Variants in RPAP1 observed in about 807,000 individuals in gnomAD.
RPAP1 encodes the protein RNA polymerase II associated protein 1, also known as RNA polymerase II-associated protein 1.
In RPAP1, 109 loss-of-function variants were observed where a neutral mutation model predicts 142.4. The observed-to-expected ratio is 0.77, with a 90% CI of 0.66 to 0.90. The LOEUF (loss-of-function observed/expected upper bound fraction) is 0.90, where lower values mean the gene tolerates loss of function less well. Ranked by LOEUF, RPAP1 falls within the 40% of genes least tolerant of loss-of-function variation. RPAP1 has a pLI of 0.00. For synonymous variants in RPAP1, 704 were observed against 738.9 expected (o/e 0.95, Z 0.77); for missense variants, 1,546 against 1,751.7 (o/e 0.88, Z 2.10).
chr15:41,543,354 C>T (rs574736194), intron 1 of RPAP1, among the ~76,000 whole-genome samples: 52 of 151,906 alleles, frequency 3.4e-4, no homozygotes, highest in Middle Eastern at 3.4e-3. Context: ...GGATTACAGG[C>T]GCCTGCCACC....
chr15:41,543,201 CTTTTTTTTTTTTTTT>C (rs71104794), intron 1 of RPAP1, among the ~76,000 whole-genome samples: 1 of 78,936 alleles, frequency 1.3e-5, no homozygotes, highest in Non-Finnish European at 2.3e-5. Context: ...CAATGCTGTC[CTTTTTTTTTTTTTTT>C]TTTTTTTTTT....
Position 41,536,660 on chromosome 15 carries a change from A to G in RPAP1, c.182-11T>C. 6.2e-7 allele frequency: 1 copy of G among 1,612,772 alleles called. No homozygotes were observed. Among genetic ancestry groups the G allele is most frequent in the Non-Finnish European group, 8.5e-7 (1 of 1,179,920 alleles). On this transcript the variant is annotated splice_polypyrimidine_tract_variant and intron_variant, in intron 2 of 24. Transcript: ENST00000304330. ...GCAAATCTGGGAGATCTGAGAAAGAAAAGATCCCAAACGTGAGTATATGCA... is the reference window on the plus strand; with the variant it reads ...GCAAATCTGGGAGATCTGAGAAAGAGAAGATCCCAAACGTGAGTATATGCA...
At position 41,517,357 on chromosome 15, in the gene RPAP1, T is replaced by G; in HGVS notation, c.*185A>C. On this transcript the variant is annotated 3_prime_UTR_variant, in exon 25 of 25. Transcript: ENST00000304330. ...TACAGACCTTCAGAAGCCCCAGATATCAGGATGTAATGGTAGGGCTCACTG... is the reference window on the plus strand; with the variant it reads ...TACAGACCTTCAGAAGCCCCAGATAGCAGGATGTAATGGTAGGGCTCACTG... 1 of 521,050 alleles carries G rather than the reference T, an allele frequency of 1.9e-6. No homozygotes were observed. The highest frequency in any genetic ancestry group is 3.3e-6 in the Non-Finnish European group (1 of 299,410). 32.3% of individuals were successfully genotyped at this position (521,050 alleles called of 1,614,324 possible).
chr15:41,527,795 C>T (rs1214986202), intron 11 of RPAP1, 65 bp downstream of exon 11: 5 of 1,588,874 alleles, frequency 3.1e-6, no homozygotes, highest in East Asian at 4.5e-5. Context: ...TGGGGCCATG[C>T]CCAGGAACAG....
intron 1 of RPAP1, among the ~76,000 whole-genome samples, chr15:41,539,726 G>T (rs1042507237): frequency 2.6e-5 from 4 of 152,030 alleles, no homozygotes; most frequent in Non-Finnish European, 5.9e-5. Flanking sequence ...TACTGCACCT[G>T]GCCTGTAAAC....
chr15:41,539,284 T>TATTTTG (rs1310556273), intron 1 of RPAP1, among the ~76,000 whole-genome samples: 1 of 151,786 alleles, frequency 6.6e-6, no homozygotes, highest in Non-Finnish European at 1.5e-5. Flanking sequence ...TTTTTGTTTT[T>TATTTTG]TTTTTTGTTT....
In RPAP1 at chr15:41,531,142, G is replaced by A. The variant is rs375319678; in HGVS notation, c.824C>T (p.Thr275Ile). The A allele has an allele frequency of 3.7e-6, 6 of 1,614,002 alleles. No individual in the cohort carries two copies. Among genetic ancestry groups the A allele is most frequent in the Non-Finnish European group, 5.1e-6 (6 of 1,179,924 alleles). ...HSHTQEQTGETASEEQRPGGP... is the reference protein window; with the variant it reads ...HSHTQEQTGEIASEEQRPGGP... ...TCCTGGCCTCTGCTCCTCAGAGGCT[G>A]TCTCTCCTGTTTGCTCTTGCGTGTG... The change falls in exon 7 of 25, where the codon ACA (threonine) becomes ATA (isoleucine). Residue 275 changes from threonine (T) to isoleucine (I), a missense_variant. Thr to Ile is a moderately conservative substitution (Grantham distance 89, BLOSUM62 -1). Coordinates refer to ENST00000304330, the MANE Select transcript of RPAP1 (RefSeq NM_015540.4).
intron 6 of RPAP1, among the ~76,000 whole-genome samples, chr15:41,531,798 G>A (rs1251405013): frequency 2.7e-5 from 4 of 150,476 alleles, no homozygotes; most frequent in South Asian, 2.1e-4. Context: ...CTGCCACCAC[G>A]CCTGGCTAAT....
At chr15:41,530,070 C>T (rs2140774501) in intron 7 of RPAP1, 91 bp from the exon 8 acceptor site, 1 of 927,230 alleles carries the variant, frequency 1.1e-6, no homozygotes, top group South Asian at 1.4e-5. Flanking sequence ...GCCACATCCA[C>T]TTCTGTTCCA....
At chr15:41,522,331 G>A (rs2051735368) in intron 19 of RPAP1, 81 bp from the exon 20 acceptor site, 5 of 1,371,434 alleles carry the variant, frequency 3.6e-6, no homozygotes, top group Non-Finnish European at 5.0e-6. Context: ...CCCCTCTCCA[G>A]ACTCAGGGAA....
At chr15:41,536,719 G>C (rs2051913553) in intron 2 of RPAP1, 70 bp from the exon 3 acceptor site, 2 of 1,557,554 alleles carry the variant, frequency 1.3e-6, no homozygotes, top group East Asian at 4.5e-5. Context: ...GGCTAGGGAA[G>C]AAAGACAGCT....
In RPAP1 at chr15:41,523,190, A is replaced by G. The variant is rs190512390; in HGVS notation, c.2546+55T>C. The G allele has an allele frequency of 3.5e-3, 4,538 of 1,284,986 alleles. 16 individuals carry two copies. Among genetic ancestry groups the G allele is most frequent in the Non-Finnish European group, 3.4e-3 (3,163 of 921,002 alleles). 79.6% of individuals were successfully genotyped at this position (1,284,986 alleles called of 1,614,324 possible). ...GGGAGCTGGACCCAGGAATCCCACA[A>G]GGAAAGAAATTGCCTCCTCCCCTGC... On this transcript the variant is annotated intron_variant, in intron 18 of 24. Transcript: ENST00000304330.
chr15:41,520,235 A>G, intron 22 of RPAP1, 156 bp downstream of exon 22: 1 of 804,606 alleles, frequency 1.2e-6, no homozygotes, highest in Non-Finnish European at 2.0e-6. Context: ...CACCCAGCCC[A>G]TGTTAAGCCC....
rs750917838 is a variant in RPAP1 at position 41,520,569 on chromosome 15, G to C, written c.3617C>G (p.Ser1206Cys). ...GAAGTTGGCATAGAGGTCAGGGAAA[G>C]ACGTCAGGCCAGGGAGTCGGCAGTC... ...NLDCRLPGLT[S>C]FPDLYANFLD... The change falls in exon 22 of 25, where the codon TCT becomes TGT. Residue 1206 changes from serine (S) to cysteine (C), a missense_variant. This residue lies in a region of RPAP1 where 210 missense variants were observed against 248.0 expected (regional missense o/e 0.85). Coordinates refer to ENST00000304330, the MANE Select transcript of RPAP1 (RefSeq NM_015540.4). 1 of 1,614,246 alleles carries C rather than the reference G, an allele frequency of 6.2e-7. No individual in the cohort carries two copies. The highest frequency in any genetic ancestry group is 8.5e-7 in the Non-Finnish European group (1 of 1,180,042).
At position 41,529,936 on chromosome 15, in the gene RPAP1, C is replaced by G. The variant is rs1026281015; in HGVS notation, c.987G>C (p.Met329Ile). The change falls in exon 8 of 25, where the codon ATG becomes ATC. Residue 329 changes from methionine (M) to isoleucine (I), a missense_variant. Physicochemically the swap from Met to Ile is conservative, Grantham distance 10. Transcript: ENST00000304330. ...GGAGCTTCTCCAGCTCGACAGTGTCCATGTGCAGCCATTCTTTCTGAGGGG... is the reference window on the plus strand; with the variant it reads ...GGAGCTTCTCCAGCTCGACAGTGTCGATGTGCAGCCATTCTTTCTGAGGGG... ...PVTPQKEWLH[M>I]DTVELEKLHW... 1 of 1,614,012 alleles carries G rather than the reference C, an allele frequency of 6.2e-7. No individual in the cohort carries two copies. The highest frequency in any genetic ancestry group is 1.3e-5 in the African/African-American group (1 of 74,920).
At chr15:41,523,427 A>C in intron 17 of RPAP1, 73 bp from the exon 18 acceptor site, 1 of 991,218 alleles carries the variant, frequency 1.0e-6, no homozygotes. Context: ...ACCCAGGCCA[A>C]TGCCACCATC....
At chr15:41,522,058 A>G in intron 20 of RPAP1, 40 bp downstream of exon 20, 1 of 1,604,628 alleles carries the variant, frequency 6.2e-7, no homozygotes, top group Non-Finnish European at 8.5e-7. Flanking sequence ...GGAAGGAGAT[A>G]ATGGGATGAC....
At chr15:41,543,243 CTT>C (rs1169694126) in intron 1 of RPAP1, among the ~76,000 whole-genome samples, 2 of 114,360 alleles carry the variant, frequency 1.7e-5, no homozygotes, top group African/African-American at 6.7e-5. Flanking sequence ...GATTCTCCCT[CTT>C]GTTGCCCAGG....
chr15:41,519,519 A>T (rs1244438437), intron 22 of RPAP1: 3 of 152,140 alleles, frequency 2.0e-5, no homozygotes, highest in Non-Finnish European at 4.4e-5. Context: ...CAAACATAGT[A>T]ACTCTTTACA....
Sources: allele counts gnomAD v4.1 joint callset (sites outside exome capture counted in the v4.1 genomes callset), GRCh38; gene constraint gnomAD v4.1.1; regional missense constraint gnomAD v4.1.1; transcripts MANE v1.5; gene names NCBI Gene and HGNC (gene_info 2026-07-23, HGNC 2026-07-21).